FBXO8: variants seen among roughly 807,000 people sequenced by gnomAD.
FBXO8 encodes the protein F-box only protein 8.
In FBXO8, 15 loss-of-function variants were observed where a neutral mutation model predicts 33.4. The observed-to-expected ratio is 0.45, with a 90% CI of 0.30 to 0.69. The LOEUF (loss-of-function observed/expected upper bound fraction) is 0.69, where lower values mean the gene tolerates loss of function less well. Ranked by LOEUF, FBXO8 falls within the 30% of genes least tolerant of loss-of-function variation. The probability of loss-of-function intolerance (pLI) is 0.08; values close to 1 mark genes in which losing one functional copy is unlikely to be tolerated. For missense variants in FBXO8, 274 were observed against 380.3 expected, an observed-to-expected ratio of 0.72 and a Z score of 2.32; for synonymous variants, 132 against 131.5, an observed-to-expected ratio of 1.00 and a Z score of -0.02.
In FBXO8 at chr4:174,281,902, G is replaced by A. The variant is rs899437428; in HGVS notation, c.-9+1508C>T. Among the ~76,000 whole-genome samples the A allele has an allele frequency of 6.6e-5, 10 of 152,078 alleles. No homozygotes were observed. Among genetic ancestry groups the A allele is most frequent in the African/African-American group, 2.4e-4 (10 of 41,402 alleles). ...TTTAAGTAAAATAATTCAAGAAAAA[G>A]AAACAGAAATTAAATGCATAATTCT... On this transcript the variant is annotated intron_variant, in intron 1 of 5. Coordinates refer to ENST00000393674, the MANE Select transcript of FBXO8 (RefSeq NM_012180.3). The surrounding 1 kb of genome is among the most constrained non-coding windows in gnomAD (Gnocchi z 4.6).
intron 1 of FBXO8, among the ~76,000 whole-genome samples, chr4:174,276,245 T>C (rs1736957203): frequency 6.6e-6 from 1 of 152,206 alleles, no homozygotes; most frequent in Admixed American, 6.5e-5. Context: ...CAGAGCCAAC[T>C]TGTTTTTTCT....
intron 3 of FBXO8, among the ~76,000 whole-genome samples, chr4:174,244,026 G>A (rs1736105098): frequency 6.6e-6 from 1 of 151,464 alleles, no homozygotes; most frequent in Non-Finnish European, 1.5e-5. Flanking sequence ...AGGAGTATTA[G>A]GCCAGAGAAG....
intron 1 of FBXO8, among the ~76,000 whole-genome samples, chr4:174,280,348 G>A (rs1737052056): frequency 6.6e-6 from 1 of 152,098 alleles, no homozygotes; most frequent in African/African-American, 2.4e-5. Context: ...TGGCAAGGAT[G>A]TGGAGAAACT....
At chr4:174,246,082 G>A (rs751849305) in intron 3 of FBXO8, among the ~76,000 whole-genome samples, 1 of 151,880 alleles carries the variant, frequency 6.6e-6, no homozygotes, top group Non-Finnish European at 1.5e-5. Context: ...CAGGATCTTG[G>A]ATAAGAAGGA....
rs368667509 is a variant in FBXO8, at chr4:174,263,737, GC to G, written c.-8-638del. 5.9e-5 allele frequency among the ~76,000 whole-genome samples: 9 copies of G among 152,236 alleles called. No individual in the cohort carries two copies. The East Asian group carries it at 7.7e-4, about 13-fold the overall frequency. On this transcript the variant is annotated intron_variant, in intron 1 of 5. Coordinates refer to ENST00000393674, the MANE Select transcript of FBXO8 (RefSeq NM_012180.3). The surrounding 1 kb of genome is among the most constrained non-coding windows in gnomAD (Gnocchi z 4.2). ...CAGTAGACTATTTAGTTTTGTTGTTGCCTTAAATTAAAAATTGTAATTTAGA... is the reference window on the plus strand; with the variant it reads ...CAGTAGACTATTTAGTTTTGTTGTTGCTTAAATTAAAAATTGTAATTTAGA...
rs1736675082 is a variant in FBXO8 at position 174,265,597 on chromosome 4, A to G, written c.-8-2497T>C. Among the ~76,000 whole-genome samples the G allele has an allele frequency of 6.6e-6, 1 of 152,204 alleles. No individual in the cohort carries two copies. Among genetic ancestry groups the G allele is most frequent in the African/African-American group, 2.4e-5 (1 of 41,462 alleles). On this transcript the variant is annotated intron_variant, in intron 1 of 5. Transcript: ENST00000393674. This position sits in a 1 kb window ranked among gnomAD's most constrained non-coding sequence, Gnocchi z 4.7. ...CCTATTATTAATGTTAAGTAAAAGAAGCAAATCTAAAAAAGTTCTTTACTG... is the reference window on the plus strand; with the variant it reads ...CCTATTATTAATGTTAAGTAAAAGAGGCAAATCTAAAAAAGTTCTTTACTG...
In FBXO8 at chr4:174,241,076, T is replaced by A. The variant is rs950217554; in HGVS notation, c.575+24A>T. On this transcript the variant is annotated intron_variant, in intron 4 of 5. Coordinates refer to ENST00000393674, the MANE Select transcript of FBXO8 (RefSeq NM_012180.3). The surrounding 1 kb of genome is among the most constrained non-coding windows in gnomAD (Gnocchi z 4.2). ...AAAACATTACTTAACTCATTTTGGA[T>A]GAAAAGTTAATTTTCGTTTTTACCT... The A allele has an allele frequency of 1.4e-6, 2 of 1,390,898 alleles. No individual in the cohort carries two copies. Among genetic ancestry groups the A allele is most frequent in the Non-Finnish European group, 1.0e-6 (1 of 985,310 alleles). The allele number at this position is 1,390,898 out of a possible 1,614,324, so 86.2% of individuals were successfully genotyped here. A position where few individuals can be genotyped will look rare whatever the true frequency, so the allele number is the denominator to read the frequency against.
Position 174,241,100 on chromosome 4 carries a change from C to T in FBXO8, c.575G>A (p.Arg192Lys). The T allele has an allele frequency of 6.4e-7, 1 of 1,561,072 alleles. No homozygotes were observed. The highest frequency in any genetic ancestry group is 8.8e-7 in the Non-Finnish European group (1 of 1,139,930). The part of the protein sequence containing the change: ...WKKLRIYLDE[R>K]RDVLDDLVTL... ...ATGAAAAGTTAATTTTCGTTTTTAC[C>T]TTTCATCAAGATAGATTCTCAGTTT... The change falls in exon 4 of 6, where the codon AGG (arginine) becomes AAG (lysine). Residue 192 changes from arginine to lysine, a missense_variant and splice_region_variant. Arg to Lys is a conservative substitution (Grantham distance 26). Transcript: ENST00000393674. This position sits in a 1 kb window ranked among gnomAD's most constrained non-coding sequence, Gnocchi z 4.2.
rs1040915084 is a variant in FBXO8, at chr4:174,278,965, G to A, written c.-9+4445C>T. ...ATCAGCCAAGTCACTAAAATTTTGA[G>A]GTCTCAGTTTCCTCCCCTGTAAAAT... On this transcript the variant is annotated intron_variant, in intron 1 of 5. Coordinates refer to ENST00000393674, the MANE Select transcript of FBXO8 (RefSeq NM_012180.3). This position sits in a 1 kb window ranked among gnomAD's most constrained non-coding sequence, Gnocchi z 4.1. Among the ~76,000 whole-genome samples the A allele has an allele frequency of 6.6e-6, 1 of 151,998 alleles. No individual in the cohort carries two copies. Among genetic ancestry groups the A allele is most frequent in the Admixed American group, 6.6e-5 (1 of 15,258 alleles).
In FBXO8 at chr4:174,268,590, C is replaced by T. The variant is rs1329041381; in HGVS notation, c.-8-5490G>A. Among the ~76,000 whole-genome samples, 3 of 120,606 alleles carry T rather than the reference C, an allele frequency of 2.5e-5. 1 individual carries two copies. Among genetic ancestry groups the T allele is most frequent in the South Asian group, 6.5e-4 (2 of 3,090 alleles). The allele number at this position is 120,606 out of a possible 152,430, so 79.1% of individuals were successfully genotyped here. The stretch of plus-strand genomic sequence containing the variant: ...TGCTGGGACTACAGGCGCCTGCTAC[C>T]ACGCCCGGCTAATTTTTTGTATTTT... On this transcript the variant is annotated intron_variant, in intron 1 of 5. Coordinates refer to ENST00000393674, the MANE Select transcript of FBXO8 (RefSeq NM_012180.3).
rs1736924395 is a variant in FBXO8, at chr4:174,274,874, T to G, written c.-9+8536A>C. On this transcript the variant is annotated intron_variant, in intron 1 of 5. Transcript: ENST00000393674. This position sits in a 1 kb window ranked among gnomAD's most constrained non-coding sequence, Gnocchi z 4.0. The stretch of plus-strand genomic sequence containing the variant: ...TTTTAGAAAAATACATAGAAGGAAA[T>G]CTTTGGGGTCTAAGGCTAGGCCAAG... Among the ~76,000 whole-genome samples the G allele has an allele frequency of 6.6e-6, 1 of 152,078 alleles. No homozygotes were observed.
Position 174,237,341 on chromosome 4 carries a change from C to T in FBXO8, c.*71G>A, listed in dbSNP as rs1029788178. The T allele has an allele frequency of 1.5e-6, 2 of 1,306,666 alleles. No individual in the cohort carries two copies. The highest frequency in any genetic ancestry group is 2.3e-5 in the East Asian group (1 of 43,088). The allele number at this position is 1,306,666 out of a possible 1,614,324, so 80.9% of individuals were successfully genotyped here. A position where few individuals can be genotyped will look rare whatever the true frequency, so the allele number is the denominator to read the frequency against. On this transcript the variant is annotated 3_prime_UTR_variant, in exon 6 of 6. Transcript: ENST00000393674. The surrounding 1 kb of genome is among the most constrained non-coding windows in gnomAD (Gnocchi z 4.4). ...GCTACAATGACCAGCACTGATGTAACCCCCATATCTGCTAAGTCCTTGGGT... is the reference window on the plus strand; with the variant it reads ...GCTACAATGACCAGCACTGATGTAATCCCCATATCTGCTAAGTCCTTGGGT...
chr4:174,257,698 TCTCA>T lies in FBXO8; in HGVS notation c.456+1997_456+2000del, dbSNP rs1736447111. Among the ~76,000 whole-genome samples, 1 of 151,938 alleles carries T rather than the reference TCTCA, an allele frequency of 6.6e-6. No individual in the cohort carries two copies. Among genetic ancestry groups the T allele is most frequent in the African/African-American group, 2.4e-5 (1 of 41,350 alleles). On this transcript the variant is annotated intron_variant, in intron 3 of 5. Coordinates refer to ENST00000393674, the MANE Select transcript of FBXO8 (RefSeq NM_012180.3). This position sits in a 1 kb window ranked among gnomAD's most constrained non-coding sequence, Gnocchi z 4.3. ...TATTATTAAGATCATTGAGACAGGG[TCTCA>T]CTCTCACAGCTTATTGCACTCTTGA...
intron 1 of FBXO8, among the ~76,000 whole-genome samples, chr4:174,282,992 C>T (rs930371562): frequency 6.6e-6 from 1 of 152,212 alleles, no homozygotes; most frequent in African/African-American, 2.4e-5. Context: ...CTTAACTATA[C>T]TTGTGTTTGC....
rs1042773218 is a variant in FBXO8 at position 174,270,579 on chromosome 4, T to C, written c.-8-7479A>G. ...ATAGCTTAAATTTAATATGCTAAAC[T>C]TCAAGATCATTTTTATTCATGCTCA... is the stretch of plus-strand genomic sequence containing the variant. On this transcript the variant is annotated intron_variant, in intron 1 of 5. Transcript: ENST00000393674. The surrounding 1 kb of genome is among the most constrained non-coding windows in gnomAD (Gnocchi z 4.6). Among the ~76,000 whole-genome samples the C allele has an allele frequency of 2.6e-5, 4 of 152,258 alleles. No homozygotes were observed. Among genetic ancestry groups the C allele is most frequent in the Admixed American group, 1.3e-4 (2 of 15,284 alleles).
chr4:174,277,164 T>C lies in FBXO8; in HGVS notation c.-9+6246A>G, dbSNP rs1325512776. 6.6e-6 allele frequency among the ~76,000 whole-genome samples: 1 copy of C among 152,140 alleles called. No individual in the cohort carries two copies. Among genetic ancestry groups the C allele is most frequent in the African/African-American group, 2.4e-5 (1 of 41,452 alleles). On this transcript the variant is annotated intron_variant, in intron 1 of 5. Transcript: ENST00000393674. The surrounding 1 kb of genome is among the most constrained non-coding windows in gnomAD (Gnocchi z 4.9). ...CATTTATTAAAATTTATAAGAACAA[T>C]AATAGTTTTCTATACTTTTTAACTT...
rs755938018 is a variant in FBXO8, at chr4:174,237,469, T to G, written c.903A>C (p.Glu301Asp). ...TGTCATAAAGATGCCCTACAAAATC[T>G]TCACTAATATTTTGAGCAGCGCGAC... is the stretch of plus-strand genomic sequence containing the variant. ...NTRRAAQNISEDFVGHLYDNI... is the reference protein window; with the variant it reads ...NTRRAAQNISDDFVGHLYDNI... The change falls in exon 6 of 6, where the codon GAA (glutamate) becomes GAC (aspartate). Residue 301 changes from glutamate (E) to aspartate (D), a missense_variant. Physicochemically the swap from Glu to Asp is conservative, Grantham distance 45. This residue lies in a region of FBXO8 where 186 missense variants were observed against 293.4 expected (regional missense o/e 0.63). Transcript: ENST00000393674. The surrounding 1 kb of genome is among the most constrained non-coding windows in gnomAD (Gnocchi z 4.4). 1.2e-6 allele frequency: 2 copies of G among 1,613,752 alleles called. No homozygotes were observed. The highest frequency in any genetic ancestry group is 3.3e-5 in the Admixed American group (2 of 60,006).
rs761335451 is a variant in FBXO8, at chr4:174,277,199, C to T, written c.-9+6211G>A. On this transcript the variant is annotated intron_variant, in intron 1 of 5. Transcript: ENST00000393674. This position sits in a 1 kb window ranked among gnomAD's most constrained non-coding sequence, Gnocchi z 4.9. ...CTATACTTTTTAACTTCTAGAAGAT[C>T]GTTACATTTCTAAGAGATGGTATTT... Among the ~76,000 whole-genome samples the T allele has an allele frequency of 1.2e-4, 18 of 152,028 alleles. No homozygotes were observed. Among genetic ancestry groups the T allele is most frequent in the African/African-American group, 1.7e-4 (7 of 41,402 alleles).
At position 174,241,451 on chromosome 4, in the gene FBXO8, A is replaced by G. The variant is rs966879932; in HGVS notation, c.457-233T>C. 1.3e-5 allele frequency among the ~76,000 whole-genome samples: 2 copies of G among 151,614 alleles called. No individual in the cohort carries two copies. Among genetic ancestry groups the G allele is most frequent in the African/African-American group, 2.4e-5 (1 of 41,398 alleles). ...AAGTTAAGACTGTTAAAGAAATCTT[A>G]TTTAATTTTCTGGCTCATGTCAGGT... On this transcript the variant is annotated intron_variant, in intron 3 of 5. Coordinates refer to ENST00000393674, the MANE Select transcript of FBXO8 (RefSeq NM_012180.3). The surrounding 1 kb of genome is among the most constrained non-coding windows in gnomAD (Gnocchi z 4.2).
Sources: gnomAD v4.1 joint callset for allele counts (sites outside exome capture counted in the v4.1 genomes callset) on GRCh38, gnomAD v4.1.1 for gene constraint, gnomAD v4.1.1 regional missense constraint, Gnocchi (gnomAD v3.1) non-coding constraint, MANE v1.5 for transcripts, NCBI Gene and HGNC (gene_info 2026-07-23, HGNC 2026-07-21) for gene names.